Variants in SGCZ observed in about 807,000 individuals in gnomAD.
SGCZ encodes sarcoglycan zeta.
SGCZ carries 40 observed loss-of-function variants against 41.3 expected under a neutral mutation model. That is an observed-to-expected ratio of 0.97 (90% CI 0.75 to 1.26). The LOEUF (loss-of-function observed/expected upper bound fraction) is 1.26, where lower values mean the gene tolerates loss of function less well. SGCZ is among the 50% of genes most tolerant of loss of function. The pLI, the probability that SGCZ is intolerant of heterozygous loss-of-function variation, is 0.00. For missense variants in SGCZ, 552 were observed against 369.8 expected, an observed-to-expected ratio of 1.49 and a Z score of -4.04; for synonymous variants, 206 against 137.5, an observed-to-expected ratio of 1.50 and a Z score of -3.49.
intron 5 of SGCZ, among the ~76,000 whole-genome samples, chr8:14,117,185 G>A (rs1585149523): frequency 6.6e-6 from 1 of 152,160 alleles, no homozygotes; most frequent in East Asian, 1.9e-4. Flanking sequence ...CATTAGAGAT[G>A]AGCATTAGAC....
At chr8:14,249,157 T>C (rs540857626) in intron 3 of SGCZ, among the ~76,000 whole-genome samples, 70 of 152,270 alleles carry the variant, frequency 4.6e-4, no homozygotes, top group Admixed American at 3.1e-3. Context: ...CCAGTGTAGT[T>C]GGACCTAAAT....
At chr8:15,187,249 T>C (rs1430919476) in intron 1 of SGCZ, among the ~76,000 whole-genome samples, 1 of 152,128 alleles carries the variant, frequency 6.6e-6, no homozygotes, top group Non-Finnish European at 1.5e-5. Context: ...ATCAACTCCA[T>C]ATTTATATTT....
chr8:14,446,261 C>G (rs1585524970), intron 2 of SGCZ, among the ~76,000 whole-genome samples: 1 of 152,198 alleles, frequency 6.6e-6, no homozygotes, highest in East Asian at 1.9e-4. Context: ...TGCTGTGACT[C>G]TAACACTGGT....
chr8:15,073,188 G>T (rs542710419), intron 1 of SGCZ, among the ~76,000 whole-genome samples: 1 of 152,250 alleles, frequency 6.6e-6, no homozygotes, highest in South Asian at 2.1e-4. Flanking sequence ...GTCATGGTGG[G>T]ATCCCTTTTG....
intron 1 of SGCZ, among the ~76,000 whole-genome samples, chr8:15,195,926 C>G (rs373463813): frequency 0.032 from 3,189 of 101,214 alleles, 221 homozygotes; most frequent in African/African-American, 0.12. Context: ...GAGACGGAGT[C>G]TCGCTCTGTC....
chr8:14,495,552 T>G (rs1704813705), intron 2 of SGCZ, among the ~76,000 whole-genome samples: 2 of 152,188 alleles, frequency 1.3e-5, no homozygotes, highest in African/African-American at 4.8e-5. Context: ...TAACTGTATA[T>G]CAATAGTGTA....
chr8:14,386,453 A>G (rs1399437402), intron 2 of SGCZ, among the ~76,000 whole-genome samples: 1 of 152,190 alleles, frequency 6.6e-6, no homozygotes, highest in East Asian at 1.9e-4. Flanking sequence ...CAACAGTTGT[A>G]TATTTGTACA....
At chr8:14,739,778 T>G (rs1194853371) in intron 1 of SGCZ, among the ~76,000 whole-genome samples, 2 of 152,102 alleles carry the variant, frequency 1.3e-5, no homozygotes, top group Non-Finnish European at 2.9e-5. Context: ...GGACACTTTC[T>G]AATGTGAACA....
chr8:14,899,081 T>C (rs565870037), intron 1 of SGCZ, among the ~76,000 whole-genome samples: 2 of 152,280 alleles, frequency 1.3e-5, no homozygotes, highest in South Asian at 4.1e-4. Context: ...AAAGGAACTG[T>C]AATTTTTTTT....
At chr8:14,474,622 C>A (rs956711536) in intron 2 of SGCZ, among the ~76,000 whole-genome samples, 3 of 152,086 alleles carry the variant, frequency 2.0e-5, no homozygotes, top group African/African-American at 7.2e-5. Context: ...TTAAAACATA[C>A]AGGTCCATTA....
At chr8:14,250,345 T>A (rs1799242887) in intron 3 of SGCZ, among the ~76,000 whole-genome samples, 2 of 152,208 alleles carry the variant, frequency 1.3e-5, no homozygotes, top group African/African-American at 4.8e-5. Flanking sequence ...CACACCCCAA[T>A]TTCCATGGGA....
At chr8:14,700,268 C>T (rs1347331801) in intron 1 of SGCZ, among the ~76,000 whole-genome samples, 1 of 151,938 alleles carries the variant, frequency 6.6e-6, no homozygotes, top group Non-Finnish European at 1.5e-5. Flanking sequence ...TAGGATACTA[C>T]ACAGCCATAG....
At chr8:14,357,412 G>A (rs1334345890) in intron 2 of SGCZ, among the ~76,000 whole-genome samples, 9 of 152,102 alleles carry the variant, frequency 5.9e-5, no homozygotes, top group Non-Finnish European at 1.2e-4. Context: ...TAAAAAAACT[G>A]TGTAGCAATG....
chr8:14,224,361 A>G (rs899282296), intron 4 of SGCZ, among the ~76,000 whole-genome samples: 1 of 152,196 alleles, frequency 6.6e-6, no homozygotes, highest in African/African-American at 2.4e-5. Flanking sequence ...TAAGATTAGT[A>G]CCAGGTACTA....
chr8:14,241,020 AAAAG>A (rs1184520247), intron 3 of SGCZ, among the ~76,000 whole-genome samples: 2 of 152,206 alleles, frequency 1.3e-5, no homozygotes, highest in African/African-American at 4.8e-5. Flanking sequence ...TAAAAACAAA[AAAAG>A]AAAGACATTT....
intron 1 of SGCZ, among the ~76,000 whole-genome samples, chr8:15,134,903 T>C (rs1046058503): frequency 6.6e-6 from 1 of 152,230 alleles, no homozygotes; most frequent in Non-Finnish European, 1.5e-5. Flanking sequence ...TTAAACAGTT[T>C]GCTTTCAACA....
At chr8:14,239,599 T>C (rs1798786485) in intron 3 of SGCZ, among the ~76,000 whole-genome samples, 1 of 152,104 alleles carries the variant, frequency 6.6e-6, no homozygotes, top group East Asian at 1.9e-4. Context: ...TTTGTATATA[T>C]AATTTATAGA....
chr8:14,812,049 G>A (rs1801753535), intron 1 of SGCZ, among the ~76,000 whole-genome samples: 1 of 151,852 alleles, frequency 6.6e-6, no homozygotes, highest in Non-Finnish European at 1.5e-5. Flanking sequence ...ACAGGGCCAA[G>A]CTTATAGTAA....
At chr8:14,412,626 C>A (rs1003099367) in intron 2 of SGCZ, among the ~76,000 whole-genome samples, 3 of 152,024 alleles carry the variant, frequency 2.0e-5, no homozygotes, top group Non-Finnish European at 2.9e-5. Flanking sequence ...AGTAACCTAA[C>A]CTTTTAATCT....
Sources: gnomAD v4.1 joint callset for allele counts (sites outside exome capture counted in the v4.1 genomes callset) on GRCh38, gnomAD v4.1.1 for gene constraint, MANE v1.5 for transcripts, NCBI Gene and HGNC (gene_info 2026-07-23, HGNC 2026-07-21) for gene names.